KIAA1328: variants seen among roughly 807,000 people sequenced by gnomAD.
KIAA1328 encodes protein hinderin.
KIAA1328 carries 52 observed loss-of-function variants against 68.1 expected under a neutral mutation model. The observed-to-expected ratio is 0.76, with a 90% CI of 0.61 to 0.96. The LOEUF (loss-of-function observed/expected upper bound fraction) is 0.96, where lower values mean the gene tolerates loss of function less well. Among genes scored for constraint, KIAA1328 ranks in the 40% least tolerant of loss-of-function variants. KIAA1328 has a pLI of 0.00. For missense variants in KIAA1328, 641 were observed against 677.6 expected (o/e 0.95, Z 0.60); for synonymous variants, 232 against 239.4 (o/e 0.97, Z 0.28).
chr18:37,196,614 C>T (rs2060007760), intron 9 of KIAA1328, among the ~76,000 whole-genome samples: 2 of 152,084 alleles, frequency 1.3e-5, no homozygotes, highest in Non-Finnish European at 1.5e-5. Flanking sequence ...GTTGAACCAT[C>T]CTTGCACCCC....
chr18:36,989,619 G>A (rs184802278), intron 6 of KIAA1328, among the ~76,000 whole-genome samples: 16 of 152,256 alleles, frequency 1.1e-4, no homozygotes, highest in African/African-American at 3.1e-4. Context: ...ATTTTTAGTC[G>A]TGTGCCCATG....
At chr18:37,068,825 C>T (rs1393002328) in intron 7 of KIAA1328, among the ~76,000 whole-genome samples, 1 of 151,952 alleles carries the variant, frequency 6.6e-6, no homozygotes, top group Non-Finnish European at 1.5e-5. Flanking sequence ...GGCTCTCACT[C>T]TGTTGCCCAG....
intron 7 of KIAA1328, among the ~76,000 whole-genome samples, chr18:37,113,560 A>T (rs1049428480): frequency 6.6e-6 from 1 of 152,220 alleles, no homozygotes; most frequent in African/African-American, 2.4e-5. Context: ...AAACATGCCA[A>T]ATTGTAAAGA....
At chr18:37,127,255 T>C (rs139866468) in intron 7 of KIAA1328, among the ~76,000 whole-genome samples, 227 of 152,320 alleles carry the variant, frequency 1.5e-3, no homozygotes, top group African/African-American at 5.1e-3. Context: ...CAAAAATGAA[T>C]TTTATCTCTC....
At chr18:36,960,579 G>C (rs1406663639) in intron 6 of KIAA1328, among the ~76,000 whole-genome samples, 1 of 152,156 alleles carries the variant, frequency 6.6e-6, no homozygotes, top group Non-Finnish European at 1.5e-5. Flanking sequence ...CCTCATACAG[G>C]CAGGTGCCCC....
chr18:37,174,228 A>T (rs192207168), intron 9 of KIAA1328, among the ~76,000 whole-genome samples: 42 of 152,320 alleles, frequency 2.8e-4, no homozygotes, highest in African/African-American at 9.9e-4. Flanking sequence ...CATAGCTAAC[A>T]ACAGGCAAAG....
At chr18:36,837,663 T>A (rs1026745347) in intron 3 of KIAA1328, among the ~76,000 whole-genome samples, 3 of 152,134 alleles carry the variant, frequency 2.0e-5, no homozygotes, top group Admixed American at 2.0e-4. Context: ...TGTTGCCTAA[T>A]CCAAGGTCAC....
chr18:36,893,392 G>A (rs1055092701), intron 5 of KIAA1328, among the ~76,000 whole-genome samples: 5 of 151,210 alleles, frequency 3.3e-5, no homozygotes, highest in Non-Finnish European at 5.9e-5. Flanking sequence ...CTCAGCCACC[G>A]TAGTCACTGG....
chr18:36,987,481 A>G (rs941794728), intron 6 of KIAA1328, among the ~76,000 whole-genome samples: 9 of 89,006 alleles, frequency 1.0e-4, no homozygotes, highest in Admixed American at 7.5e-4. Flanking sequence ...AACTTAGAGT[A>G]TAATAAAAAA....
At chr18:37,148,185 G>A (rs1039351333) in intron 7 of KIAA1328, among the ~76,000 whole-genome samples, 2 of 152,152 alleles carry the variant, frequency 1.3e-5, no homozygotes, top group East Asian at 1.9e-4. Context: ...GTGTCCATGT[G>A]TTCTCATTGT....
At chr18:37,230,604 A>G (rs1157138084), downstream of KIAA1328, 1 of 152,162 alleles carries the variant, frequency 6.6e-6, no homozygotes, top group Non-Finnish European at 1.5e-5. Flanking sequence ...GCTCCCAAAC[A>G]TTATTTATCA....
intron 8 of KIAA1328, among the ~76,000 whole-genome samples, chr18:37,164,677 CAG>C (rs1204203901): frequency 6.6e-6 from 1 of 152,052 alleles, no homozygotes; most frequent in Non-Finnish European, 1.5e-5. Flanking sequence ...GCCTGGGAGG[CAG>C]AGGTTTCAGT....
intron 7 of KIAA1328, among the ~76,000 whole-genome samples, chr18:37,128,382 G>A (rs556756833): frequency 4.2e-4 from 64 of 152,190 alleles, no homozygotes; most frequent in African/African-American, 1.4e-3. Flanking sequence ...GCTGAGGCAC[G>A]AAAACCCTTG....
At chr18:37,011,962 G>GA (rs202145028) in intron 6 of KIAA1328, among the ~76,000 whole-genome samples, 1 of 148,134 alleles carries the variant, frequency 6.8e-6, no homozygotes, top group Non-Finnish European at 1.5e-5. Context: ...TTTAGAAAAA[G>GA]AAAAAAAAAG....
At chr18:36,948,190 T>C (rs1160907793) in intron 5 of KIAA1328, among the ~76,000 whole-genome samples, 1 of 151,940 alleles carries the variant, frequency 6.6e-6, no homozygotes, top group East Asian at 1.9e-4. Flanking sequence ...TTTCATTTAA[T>C]GGTAAGAACA....
intron 6 of KIAA1328, among the ~76,000 whole-genome samples, chr18:37,027,501 T>G (rs1335138017): frequency 6.6e-6 from 1 of 152,194 alleles, no homozygotes; most frequent in Non-Finnish European, 1.5e-5. Flanking sequence ...AACAGCATGG[T>G]GCTGGTACCA....
chr18:37,210,081 G>A (rs141959096), intron 9 of KIAA1328, among the ~76,000 whole-genome samples: 58 of 152,162 alleles, frequency 3.8e-4, no homozygotes, highest in African/African-American at 1.4e-3. Context: ...AAATGGGAGG[G>A]GAAAGGTCCA....
At chr18:36,952,107 C>A (rs1001808800) in intron 5 of KIAA1328, among the ~76,000 whole-genome samples, 14 of 152,200 alleles carry the variant, frequency 9.2e-5, no homozygotes, top group African/African-American at 3.4e-4. Context: ...TGCCATGCTT[C>A]TTGCAGTTCT....
chr18:37,088,324 C>A (rs913670040), intron 7 of KIAA1328, among the ~76,000 whole-genome samples: 1 of 152,042 alleles, frequency 6.6e-6, no homozygotes, highest in Non-Finnish European at 1.5e-5. Context: ...AATAGAGATA[C>A]GTATTCAATC....
Sources: allele counts gnomAD v4.1 joint callset (sites outside exome capture counted in the v4.1 genomes callset), GRCh38; gene constraint gnomAD v4.1.1; transcripts MANE v1.5; gene names NCBI Gene and HGNC (gene_info 2026-07-23, HGNC 2026-07-21).